Variants in DPYD observed in about 807,000 individuals in gnomAD.
DPYD encodes the protein dihydropyrimidine dehydrogenase, also known as dihydropyrimidine dehydrogenase [NADP(+)].
DPYD carries 109 observed loss-of-function variants against 116.2 expected under a neutral mutation model. The ratio of observed to expected loss-of-function variants is 0.94; its 90% confidence interval spans 0.80 to 1.10. The LOEUF is 1.10. DPYD is among the 50% of genes least tolerant of loss of function. The pLI is 0.00. For missense variants in DPYD, 1,302 were observed against 1,254.5 expected, an observed-to-expected ratio of 1.04 and a Z score of -0.57; for synonymous variants, 440 against 432.0, an observed-to-expected ratio of 1.02 and a Z score of -0.23.
At chr1:97,277,140 AG>A (rs1664982520) in intron 18 of DPYD, among the ~76,000 whole-genome samples, 1 of 152,152 alleles carries the variant, frequency 6.6e-6, no homozygotes, top group Non-Finnish European at 1.5e-5. Flanking sequence ...CTCGTTTATA[AG>A]TGGGAGCTAA....
intron 14 of DPYD, among the ~76,000 whole-genome samples, chr1:97,445,485 T>A (rs963122955): frequency 1.3e-5 from 2 of 152,168 alleles, no homozygotes; most frequent in Non-Finnish European, 2.9e-5. Context: ...CCTTCATGAA[T>A]ATTCATAGCT....
chr1:97,342,558 T>C (rs1360989685), intron 16 of DPYD, among the ~76,000 whole-genome samples: 2 of 152,154 alleles, frequency 1.3e-5, no homozygotes, highest in Admixed American at 6.6e-5. Flanking sequence ...TAGTAGTAGG[T>C]TCAGAGTTGA....
intron 2 of DPYD, among the ~76,000 whole-genome samples, chr1:97,864,914 A>T (rs990538714): frequency 1.3e-5 from 2 of 151,922 alleles, no homozygotes; most frequent in Non-Finnish European, 2.9e-5. Context: ...TTGAAGCCTG[A>T]TTCTAGGTGA....
chr1:97,760,344 T>G (rs912603191), intron 3 of DPYD, among the ~76,000 whole-genome samples: 1 of 152,008 alleles, frequency 6.6e-6, no homozygotes, highest in African/African-American at 2.4e-5. Flanking sequence ...ATACAGTTGA[T>G]CCTCCCGTAT....
At chr1:97,090,017 T>C (rs1649794662) in intron 21 of DPYD, among the ~76,000 whole-genome samples, 1 of 152,156 alleles carries the variant, frequency 6.6e-6, no homozygotes, top group Non-Finnish European at 1.5e-5. Context: ...TATTCTGTTA[T>C]TAATACTGAT....
intron 11 of DPYD, 35 bp from the exon 12 acceptor site, chr1:97,549,779 T>C: frequency 6.4e-7 from 1 of 1,551,562 alleles, no homozygotes; most frequent in Non-Finnish European, 8.9e-7. Context: ...AGACAATCAC[T>C]AGTCAACAGA....
At chr1:97,514,314 G>A (rs147372584) in intron 13 of DPYD, 45 of 869,536 alleles carry the variant, frequency 5.2e-5, no homozygotes, top group East Asian at 2.4e-4. Context: ...TATTGCAAGC[G>A]AAGAAAACAT....
chr1:97,755,981 CTG>C (rs1208889402), intron 3 of DPYD, among the ~76,000 whole-genome samples: 4 of 152,050 alleles, frequency 2.6e-5, no homozygotes, highest in East Asian at 1.9e-4. Flanking sequence ...ATGGTGAAAA[CTG>C]TAAAACAGGG....
At chr1:97,279,942 C>T (rs1251809823) in intron 18 of DPYD, 1 of 152,180 alleles carries the variant, frequency 6.6e-6, no homozygotes, top group Non-Finnish European at 1.5e-5. Context: ...ATCCACTGAT[C>T]CCTTTTTTAC....
At chr1:97,246,998 T>C (rs550106713) in intron 18 of DPYD, among the ~76,000 whole-genome samples, 32 of 152,256 alleles carry the variant, frequency 2.1e-4, no homozygotes, top group African/African-American at 7.2e-4. Context: ...CTAGAGATCA[T>C]AAAGTTCTTT....
intron 1 of DPYD, among the ~76,000 whole-genome samples, chr1:97,884,528 T>C (rs1341092720): frequency 6.6e-6 from 1 of 152,034 alleles, no homozygotes; most frequent in African/African-American, 2.4e-5. Flanking sequence ...AAGATTTGGA[T>C]TCAGATATAA....
intron 14 of DPYD, among the ~76,000 whole-genome samples, chr1:97,442,395 C>T (rs113138730): frequency 2.7e-4 from 40 of 150,316 alleles, no homozygotes; most frequent in African/African-American, 7.4e-4. Context: ...TAAAGAACTA[C>T]GAATGTCCTA....
At chr1:97,242,363 A>G (rs1216164452) in intron 18 of DPYD, among the ~76,000 whole-genome samples, 2 of 151,156 alleles carry the variant, frequency 1.3e-5, no homozygotes, top group East Asian at 3.9e-4. Flanking sequence ...TTTAAAATTG[A>G]CACGCAAATA....
At chr1:97,242,122 GTGTATATATATATATATATA>G (rs1336897547) in intron 18 of DPYD, among the ~76,000 whole-genome samples, 1,502 of 71,586 alleles carry the variant, frequency 0.021, 168 homozygotes, top group African/African-American at 0.068. Context: ...GTGTGTGCGT[GTGTATATATATATATATATA>G]TATATATATA....
At chr1:97,164,290 T>C (rs773709483) in intron 20 of DPYD, among the ~76,000 whole-genome samples, 41 of 151,932 alleles carry the variant, frequency 2.7e-4, no homozygotes, top group Admixed American at 1.2e-3. Flanking sequence ...AATAATAAGA[T>C]CCATATATGA....
chr1:97,398,543 C>T (rs1057422048), intron 14 of DPYD, among the ~76,000 whole-genome samples: 12 of 152,248 alleles, frequency 7.9e-5, no homozygotes, highest in African/African-American at 2.6e-4. Context: ...AATGGTTGAA[C>T]TAGTTTACAG....
In DPYD at chr1:97,306,172, C is replaced by T. The variant is rs1398100349; in HGVS notation, c.2179+5G>A. On this transcript the variant is annotated splice_donor_5th_base_variant and intron_variant, in intron 17 of 22. Coordinates refer to ENST00000370192, the MANE Select transcript of DPYD (RefSeq NM_000110.4). ...GCGGGCAACTGATTCAAGTCAAGTTCTTACCTTCCTTTGCAGCTCTTGCGA... is the reference window on the plus strand; with the variant it reads ...GCGGGCAACTGATTCAAGTCAAGTTTTTACCTTCCTTTGCAGCTCTTGCGA... 1 of 1,612,154 alleles carries T rather than the reference C, an allele frequency of 6.2e-7. No homozygotes were observed. Among genetic ancestry groups the T allele is most frequent in the African/African-American group, 1.3e-5 (1 of 74,766 alleles).
At chr1:97,508,984 G>A (rs1239281241) in intron 13 of DPYD, among the ~76,000 whole-genome samples, 1 of 151,758 alleles carries the variant, frequency 6.6e-6, no homozygotes, top group Non-Finnish European at 1.5e-5. Flanking sequence ...AGACCATACG[G>A]AGATACAGGC....
intron 14 of DPYD, among the ~76,000 whole-genome samples, chr1:97,418,244 G>A (rs1674386142): frequency 6.6e-6 from 1 of 151,660 alleles, no homozygotes; most frequent in Non-Finnish European, 1.5e-5. Context: ...TCAAAACACA[G>A]CTTACTTTTG....
Sources: gnomAD v4.1 joint callset for allele counts (sites outside exome capture counted in the v4.1 genomes callset) on GRCh38, gnomAD v4.1.1 for gene constraint, MANE v1.5 for transcripts, NCBI Gene and HGNC (gene_info 2026-07-23, HGNC 2026-07-21) for gene names.